BORCS5: variants seen among roughly 807,000 people sequenced by gnomAD.
BORCS5 encodes the protein BLOC-1 related complex subunit 5.
A neutral mutation model predicts 22.1 loss-of-function variants in BORCS5; 17 were observed. That is an observed-to-expected ratio of 0.77 (90% CI 0.53 to 1.15). The LOEUF (loss-of-function observed/expected upper bound fraction) is 1.15, where lower values mean the gene tolerates loss of function less well. Among genes scored for constraint, BORCS5 ranks in the 50% most tolerant of loss-of-function variants. The pLI is 0.00. For synonymous variants in BORCS5, 117 were observed against 99.8 expected (o/e 1.17, Z -1.03); for missense variants, 247 against 253.2 (o/e 0.98, Z 0.17).
chr12:12,357,334 C>T lies in BORCS5; in HGVS notation c.-118C>T, dbSNP rs891959257. 4.1e-6 allele frequency: 6 copies of T among 1,479,538 alleles called. No individual in the cohort carries two copies. The highest frequency in any genetic ancestry group is 5.4e-6 in the Non-Finnish European group (6 of 1,109,266). 91.7% of individuals were successfully genotyped at this position (1,479,538 alleles called of 1,614,324 possible). On this transcript the variant is annotated 5_prime_UTR_variant, in exon 1 of 4. Coordinates refer to ENST00000314565, the MANE Select transcript of BORCS5 (RefSeq NM_058169.6). Reference sequence around the variant, plus strand: ...TCAGCCCCACACATTAGCCTCGCTGCGGCGCCCAGACTCTGCTTTGCCTCC... The same window carrying T: ...TCAGCCCCACACATTAGCCTCGCTGTGGCGCCCAGACTCTGCTTTGCCTCC...
chr12:12,377,316 C>T (rs911561777), intron 2 of BORCS5, among the ~76,000 whole-genome samples: 1 of 151,914 alleles, frequency 6.6e-6, no homozygotes, highest in African/African-American at 2.4e-5. Flanking sequence ...GTAGTTGGGA[C>T]TACAGGCGCG....
chr12:12,426,986 T>G (rs553516201), intron 2 of BORCS5, among the ~76,000 whole-genome samples: 1 of 152,204 alleles, frequency 6.6e-6, no homozygotes, highest in East Asian at 1.9e-4. Flanking sequence ...ACCAGAGCAA[T>G]GATGACTGCC....
intron 3 of BORCS5, among the ~76,000 whole-genome samples, chr12:12,450,523 G>C (rs928959063): frequency 6.6e-6 from 1 of 152,044 alleles, no homozygotes; most frequent in African/African-American, 2.4e-5. Context: ...TTTTTTATTA[G>C]AAAAGTAAAC....
chr12:12,365,195 GA>G (rs1863378496), intron 2 of BORCS5, among the ~76,000 whole-genome samples: 1 of 152,100 alleles, frequency 6.6e-6, no homozygotes, highest in Non-Finnish European at 1.5e-5. Context: ...ATTATAGGAA[GA>G]GGTTATCGGG....
At chr12:12,425,227 A>G (rs899302052) in intron 2 of BORCS5, among the ~76,000 whole-genome samples, 5 of 152,212 alleles carry the variant, frequency 3.3e-5, no homozygotes, top group African/African-American at 4.8e-5. Flanking sequence ...AAATAGACTG[A>G]AAGTAATTAT....
In BORCS5 at chr12:12,357,277, C is replaced by T. The variant is rs1863161437; in HGVS notation, c.-175C>T. 1.4e-6 allele frequency: 2 copies of T among 1,458,030 alleles called. No homozygotes were observed. The highest frequency in any genetic ancestry group is 2.8e-5 in the South Asian group (2 of 71,550). The allele number at this position is 1,458,030 out of a possible 1,614,324, so 90.3% of individuals were successfully genotyped here. The stretch of plus-strand genomic sequence containing the variant: ...CCCCAAATAGGGCCTCTCCTTCTCC[C>T]GCCGCCCAGGCCCCTGCGTGGGCTG... On this transcript the variant is annotated 5_prime_UTR_variant, in exon 1 of 4. Transcript: ENST00000314565.
chr12:12,413,769 C>T (rs1286829663), intron 2 of BORCS5, among the ~76,000 whole-genome samples: 1 of 84,530 alleles, frequency 1.2e-5, no homozygotes, highest in African/African-American at 6.6e-5. Context: ...CTCCTCACTT[C>T]CCAGTAGGGG....
intron 2 of BORCS5, among the ~76,000 whole-genome samples, chr12:12,428,676 T>C (rs1452273781): frequency 6.6e-6 from 1 of 152,202 alleles, no homozygotes; most frequent in Non-Finnish European, 1.5e-5. Context: ...CATAAGTATG[T>C]GGATCAACGT....
At chr12:12,416,316 T>C in intron 2 of BORCS5, among the ~76,000 whole-genome samples, 1 of 152,070 alleles carries the variant, frequency 6.6e-6, no homozygotes, top group East Asian at 1.9e-4. Flanking sequence ...TTCTATTCTC[T>C]ATTTTATTTA....
intron 3 of BORCS5, among the ~76,000 whole-genome samples, chr12:12,436,515 A>G (rs1402750028): frequency 1.3e-5 from 2 of 152,256 alleles, no homozygotes; most frequent in Non-Finnish European, 2.9e-5. Context: ...GAAAAACTTT[A>G]TATTCCTGAT....
chr12:12,434,822 C>T (rs1942519570), intron 2 of BORCS5, among the ~76,000 whole-genome samples: 2 of 152,142 alleles, frequency 1.3e-5, no homozygotes, highest in South Asian at 4.2e-4. Context: ...TCTTTGGGGT[C>T]CTTGGTAATT....
At chr12:12,400,644 AAT>A (rs1941449751) in intron 2 of BORCS5, among the ~76,000 whole-genome samples, 1 of 151,574 alleles carries the variant, frequency 6.6e-6, no homozygotes, top group African/African-American at 2.4e-5. Flanking sequence ...GTCATATTTT[AAT>A]ATTTTGCCAT....
intron 3 of BORCS5, among the ~76,000 whole-genome samples, chr12:12,448,310 G>T (rs1942831479): frequency 6.6e-6 from 1 of 152,076 alleles, no homozygotes; most frequent in Admixed American, 6.5e-5. Flanking sequence ...CTGCCTCCCG[G>T]GTTCAACGGA....
chr12:12,369,674 G>A (rs918685647), intron 2 of BORCS5, among the ~76,000 whole-genome samples: 2 of 144,432 alleles, frequency 1.4e-5, no homozygotes, highest in Non-Finnish European at 3.0e-5. Flanking sequence ...TAAAATGTAG[G>A]AAACTTTCAA....
In BORCS5 at chr12:12,362,430, ATTAT is replaced by A. The variant is rs539054646; in HGVS notation, c.202+1085_202+1088del. On this transcript the variant is annotated intron_variant, in intron 2 of 3. Coordinates refer to ENST00000314565, the MANE Select transcript of BORCS5 (RefSeq NM_058169.6). ...ACAAGCTTTCAGTTTCTTTTTTATT[ATTAT>A]TTAAGTTTTAGTGTACATGTGCACA... Among the ~76,000 whole-genome samples, 506 of 152,154 alleles carry A rather than the reference ATTAT, an allele frequency of 3.3e-3. 4 individuals are homozygous for A. Among genetic ancestry groups the A allele is most frequent in the South Asian group, 0.022 (106 of 4,824 alleles).
At chr12:12,438,685 A>G (rs1397737685) in intron 3 of BORCS5, among the ~76,000 whole-genome samples, 1 of 152,082 alleles carries the variant, frequency 6.6e-6, no homozygotes, top group Non-Finnish European at 1.5e-5. Context: ...GTGAACCTTA[A>G]TGTACTCATT....
At chr12:12,398,137 A>G (rs992557869) in intron 2 of BORCS5, among the ~76,000 whole-genome samples, 11 of 152,238 alleles carry the variant, frequency 7.2e-5, no homozygotes, top group Admixed American at 2.0e-4. Flanking sequence ...GCACTAATGC[A>G]TCAAAAACAA....
chr12:12,370,601 TC>T (rs760375005), intron 2 of BORCS5, among the ~76,000 whole-genome samples: 11 of 152,306 alleles, frequency 7.2e-5, no homozygotes, highest in South Asian at 4.1e-4. Context: ...GTTTCTCATC[TC>T]CCCATTTATT....
chr12:12,436,838 G>A (rs556042356), intron 3 of BORCS5, among the ~76,000 whole-genome samples: 27 of 152,206 alleles, frequency 1.8e-4, no homozygotes, highest in African/African-American at 6.3e-4. Context: ...CTTCTCTCAT[G>A]GGTTAAATAC....
Sources: allele counts gnomAD v4.1 joint callset (sites outside exome capture counted in the v4.1 genomes callset), GRCh38; gene constraint gnomAD v4.1.1; transcripts MANE v1.5; gene names NCBI Gene and HGNC (gene_info 2026-07-23, HGNC 2026-07-21).